The following SLC9A9 variants were observed in gnomAD, a reference collection of about 807,000 sequenced individuals.
SLC9A9 encodes the protein sodium/hydrogen exchanger 9.
In SLC9A9, 62 loss-of-function variants were observed where a neutral mutation model predicts 77.8. The ratio of observed to expected loss-of-function variants is 0.80; its 90% CI spans 0.65 to 0.98. The LOEUF is 0.98. SLC9A9 is among the 50% of genes least tolerant of loss of function. The pLI is 0.00. For missense variants in SLC9A9, 775 were observed against 774.9 expected (o/e 1.00, Z 0.00); for synonymous variants, 320 against 283.5 (o/e 1.13, Z -1.29).
chr3:143,563,462 A>T (rs9876256), intron 8 of SLC9A9, among the ~76,000 whole-genome samples: 5,002 of 152,268 alleles, frequency 0.033, 110 homozygotes, highest in Non-Finnish European at 0.054. Context: ...AAGACATAGG[A>T]TCTATCTGGT....
At chr3:143,818,533 C>T (rs1025634073) in intron 2 of SLC9A9, among the ~76,000 whole-genome samples, 4 of 151,998 alleles carry the variant, frequency 2.6e-5, no homozygotes, top group African/African-American at 9.7e-5. Context: ...TCATGAACTC[C>T]TGACCTCAAG....
intron 9 of SLC9A9, among the ~76,000 whole-genome samples, chr3:143,522,396 T>G (rs538564909): frequency 1.3e-5 from 2 of 152,306 alleles, no homozygotes; most frequent in African/African-American, 4.8e-5. Context: ...CCTCCAAGGA[T>G]TTATGGTCTT....
intron 14 of SLC9A9, among the ~76,000 whole-genome samples, chr3:143,283,900 A>G (rs1938296975): frequency 6.6e-6 from 1 of 152,232 alleles, no homozygotes; most frequent in Non-Finnish European, 1.5e-5. Context: ...TATTGGCACG[A>G]ACAGGTATGA....
At chr3:143,682,208 C>A (rs1273736922) in intron 5 of SLC9A9, among the ~76,000 whole-genome samples, 1 of 152,104 alleles carries the variant, frequency 6.6e-6, no homozygotes, top group African/African-American at 2.4e-5. Flanking sequence ...GGCAAGAAAG[C>A]CAAGTTAAAG....
intron 7 of SLC9A9, 111 bp from the exon 8 acceptor site, chr3:143,574,304 A>G: frequency 1.1e-6 from 1 of 881,046 alleles, no homozygotes; most frequent in South Asian, 1.4e-5. Flanking sequence ...AAGTAAAAGA[A>G]CTGATATTCA....
In SLC9A9 at chr3:143,266,929, C is replaced by T; in HGVS notation, c.1711G>A (p.Glu571Lys). The change falls in exon 16 of 16, where the codon GAA becomes AAA. Residue 571 changes from glutamate to lysine, a missense_variant and splice_region_variant. Transcript: ENST00000316549. ...RLLTSPQAYGEQLKEDDVECI... is the reference protein window; with the variant it reads ...RLLTSPQAYGKQLKEDDVECI... ...TCCACATCATCCTCTTTTAGCTGTTCCTGGTTGGGAAAAGAGAGAGAGGTG... is the reference window on the plus strand; with the variant it reads ...TCCACATCATCCTCTTTTAGCTGTTTCTGGTTGGGAAAAGAGAGAGAGGTG... The T allele has an allele frequency of 6.2e-7, 1 of 1,613,766 alleles. No homozygotes were observed. Among genetic ancestry groups the T allele is most frequent in the Non-Finnish European group, 8.5e-7 (1 of 1,179,836 alleles).
chr3:143,668,625 C>T (rs1576647172), intron 5 of SLC9A9, among the ~76,000 whole-genome samples: 3 of 152,222 alleles, frequency 2.0e-5, no homozygotes, highest in African/African-American at 2.4e-5. Flanking sequence ...TGTTCATCTG[C>T]GCATTTGTCA....
chr3:143,623,802 T>G (rs181252944), intron 6 of SLC9A9, among the ~76,000 whole-genome samples: 17 of 152,238 alleles, frequency 1.1e-4, no homozygotes, highest in Admixed American at 9.2e-4. Context: ...CAAAAAACCC[T>G]TCAAAAAATC....
At position 143,647,467 on chromosome 3, in the gene SLC9A9, A is replaced by G. The variant is rs375299737; in HGVS notation, c.755+4788T>C. On this transcript the variant is annotated intron_variant, in intron 6 of 15. Transcript: ENST00000316549. ...ATCTTGATCACCTGAAGAAGAATAC[A>G]TAAGTAAATATAATTCAAACACATT... Among the ~76,000 whole-genome samples the G allele has an allele frequency of 1.2e-3, 186 of 152,358 alleles. 2 individuals are homozygous for G. In the Middle Eastern group the frequency reaches 0.027, roughly 22 times the overall value.
At chr3:143,369,250 A>T (rs2032987510) in intron 13 of SLC9A9, among the ~76,000 whole-genome samples, 1 of 152,330 alleles carries the variant, frequency 6.6e-6, no homozygotes, top group East Asian at 1.9e-4. Context: ...GTGGTCTTAA[A>T]GTGTATATCT....
chr3:143,526,809 A>G (rs1206468782), intron 9 of SLC9A9, among the ~76,000 whole-genome samples: 1 of 152,200 alleles, frequency 6.6e-6, no homozygotes, highest in Non-Finnish European at 1.5e-5. Context: ...GTTTGCAGCC[A>G]TTGTGAGGAT....
chr3:143,661,072 G>C (rs2038971461), intron 5 of SLC9A9, among the ~76,000 whole-genome samples: 1 of 152,086 alleles, frequency 6.6e-6, no homozygotes, highest in East Asian at 1.9e-4. Context: ...GGGCTACATT[G>C]TTGAGTGCAA....
At chr3:143,334,628 T>C (rs2031870243) in intron 14 of SLC9A9, among the ~76,000 whole-genome samples, 1 of 152,300 alleles carries the variant, frequency 6.6e-6, no homozygotes, top group African/African-American at 2.4e-5. Flanking sequence ...AAATCATGCA[T>C]GTAAGGTATG....
intron 12 of SLC9A9, among the ~76,000 whole-genome samples, chr3:143,440,594 G>T (rs184703139): frequency 2.6e-5 from 4 of 152,212 alleles, no homozygotes; most frequent in East Asian, 1.9e-4. Flanking sequence ...GTTCCACAGG[G>T]TATCCCACCG....
chr3:143,482,168 G>A (rs561945520), intron 11 of SLC9A9, among the ~76,000 whole-genome samples: 2 of 152,084 alleles, frequency 1.3e-5, no homozygotes, highest in South Asian at 4.2e-4. Context: ...CAACTGAGAG[G>A]GGAAAAAATA....
intron 4 of SLC9A9, among the ~76,000 whole-genome samples, chr3:143,745,859 T>A (rs1935187027): frequency 6.6e-6 from 1 of 152,184 alleles, no homozygotes; most frequent in Non-Finnish European, 1.5e-5. Flanking sequence ...ATAAAAACAT[T>A]GACTGGGAAA....
intron 6 of SLC9A9, among the ~76,000 whole-genome samples, chr3:143,591,847 T>C (rs1025933719): frequency 2.0e-5 from 3 of 152,192 alleles, no homozygotes; most frequent in Non-Finnish European, 4.4e-5. Context: ...TTGGGGAACA[T>C]GTAGACTGGA....
intron 14 of SLC9A9, among the ~76,000 whole-genome samples, chr3:143,325,598 G>T (rs12488603): frequency 0.19 from 28,244 of 152,180 alleles, 2,686 homozygotes; most frequent in Admixed American, 0.25. Flanking sequence ...TTTGTTAAGG[G>T]TGAGAGTGTT....
At chr3:143,591,396 A>T (rs2108678416) in intron 6 of SLC9A9, among the ~76,000 whole-genome samples, 1 of 152,342 alleles carries the variant, frequency 6.6e-6, no homozygotes, top group South Asian at 2.1e-4. Flanking sequence ...TGGGAACTGC[A>T]GGCCAGCAAA....
Sources: gnomAD v4.1 joint callset for allele counts (sites outside exome capture counted in the v4.1 genomes callset) on GRCh38, gnomAD v4.1.1 for gene constraint, MANE v1.5 for transcripts, NCBI Gene and HGNC (gene_info 2026-07-23, HGNC 2026-07-21) for gene names.